Variants in ING4 observed in about 807,000 individuals in gnomAD.
ING4 encodes inhibitor of growth protein 4.
In ING4, 28 loss-of-function variants were observed where a neutral mutation model predicts 33.1. The ratio of observed to expected loss-of-function variants is 0.85; its 90% CI spans 0.63 to 1.16. The LOEUF (loss-of-function observed/expected upper bound fraction) is 1.16, where lower values mean the gene tolerates loss of function less well. Ranked by LOEUF, ING4 falls within the 50% of genes most tolerant of loss-of-function variation. ING4 has a pLI of 0.00. For missense variants in ING4, 247 were observed against 314.7 expected (o/e 0.78, Z 1.63); for synonymous variants, 87 against 104.4 (o/e 0.83, Z 1.02).
chr12:6,651,730 C>T (rs1372711327), intron 6 of ING4, among the ~76,000 whole-genome samples: 2 of 151,832 alleles, frequency 1.3e-5, no homozygotes, highest in East Asian at 1.9e-4. Flanking sequence ...TTAGTGGAGA[C>T]GGGGTTTCAC....
chr12:6,658,414 G>A (rs904618421), intron 1 of ING4, among the ~76,000 whole-genome samples: 4 of 152,070 alleles, frequency 2.6e-5, no homozygotes, highest in African/African-American at 9.7e-5. Flanking sequence ...GGCCAGGCAC[G>A]GTGGCTCATG....
At chr12:6,656,232 G>A (rs185205811) in intron 2 of ING4, among the ~76,000 whole-genome samples, 5 of 150,160 alleles carry the variant, frequency 3.3e-5, no homozygotes, top group Admixed American at 2.0e-4. Context: ...GCAGTGACAT[G>A]TGGCATGATT....
At position 6,653,019 on chromosome 12, in the gene ING4, T is replaced by A; in HGVS notation, c.308A>T (p.Asp103Val). The A allele has an allele frequency of 6.2e-7, 1 of 1,613,976 alleles. No homozygotes were observed. The highest frequency in any genetic ancestry group is 8.5e-7 in the Non-Finnish European group (1 of 1,180,004). ...VDKHIRRLDTDLARFEADLKE... is the reference protein window; with the variant it reads ...VDKHIRRLDTVLARFEADLKE... ...GAGATCAGCCTCAAAACGGGCCAGG[T>A]CTGTGTCCAGCCGCCGAATGTGTTT... The change falls in exon 4 of 8, where the codon GAC (aspartate) becomes GTC (valine). Residue 103 changes from aspartate to valine, a missense_variant. Physicochemically the swap from Asp to Val is radical, Grantham distance 152 (BLOSUM62 -3). Coordinates refer to ENST00000341550, the MANE Select transcript of ING4 (RefSeq NM_016162.4).
intron 2 of ING4, 143 bp from the exon 3 acceptor site, chr12:6,653,539 C>G: frequency 1.3e-6 from 1 of 789,872 alleles, no homozygotes; most frequent in African/African-American, 1.7e-5. Context: ...GGTACTGTGC[C>G]ATGCACTCAA....
intron 2 of ING4, among the ~76,000 whole-genome samples, chr12:6,654,437 G>C (rs1297005261): frequency 6.6e-6 from 1 of 150,798 alleles, no homozygotes; most frequent in Non-Finnish European, 1.5e-5. Flanking sequence ...GAGCTCAAAT[G>C]ATCTCCCATT....
intron 1 of ING4, chr12:6,657,929 CAA>C (rs755046894): frequency 8.0e-4 from 58 of 72,696 alleles, no homozygotes; most frequent in South Asian, 4.0e-3. Context: ...ACTCTGTCTC[CAA>C]AAAAAAAAAA....
intron 2 of ING4, chr12:6,655,809 G>A: frequency 2.2e-6 from 1 of 457,530 alleles, no homozygotes. Context: ...ATCCTTCAGT[G>A]GGTATGGGAA....
intron 1 of ING4, among the ~76,000 whole-genome samples, chr12:6,662,864 C>T (rs1394268288): frequency 1.3e-5 from 2 of 151,888 alleles, no homozygotes; most frequent in Non-Finnish European, 2.9e-5. Flanking sequence ...CACCGCACCC[C>T]TCCCTCGTCT....
At chr12:6,651,516 C>T in intron 6 of ING4, 131 bp from the exon 7 acceptor site, 1 of 710,298 alleles carries the variant, frequency 1.4e-6, no homozygotes, top group South Asian at 1.7e-5. Flanking sequence ...AGTCCCAAGG[C>T]CAACCAGTTC....
chr12:6,652,506 G>C (rs1040455867), intron 5 of ING4, 88 bp from the exon 6 acceptor site: 3 of 1,469,210 alleles, frequency 2.0e-6, no homozygotes, highest in Admixed American at 3.6e-5. Context: ...ATCCTGGTAG[G>C]GCAAATGATT....
At chr12:6,657,143 G>A (rs1258130800) in intron 1 of ING4, among the ~76,000 whole-genome samples, 1 of 149,670 alleles carries the variant, frequency 6.7e-6, no homozygotes, top group African/African-American at 2.5e-5. Flanking sequence ...AATAGAGCAA[G>A]TCCCTGTCTC....
Position 6,653,335 on chromosome 12 carries a change from G to A in ING4, c.171C>T (p.Ser57=). ...TEYMSSARSL[S]SEEKLALLKQ... The stretch of plus-strand genomic sequence containing the variant: ...TGAGAAGGGCCAATTTTTCCTCGGA[G>A]CTCAGGCTGCGGGCACTACTCATAT... The change falls in exon 3 of 8, where the codon AGC becomes AGT. Residue 57 remains serine (S), a synonymous_variant. Coordinates refer to ENST00000341550, the MANE Select transcript of ING4 (RefSeq NM_016162.4). The A allele has an allele frequency of 1.2e-6, 2 of 1,614,178 alleles. No individual in the cohort carries two copies. The highest frequency in any genetic ancestry group is 1.7e-6 in the Non-Finnish European group (2 of 1,180,044).
chr12:6,659,294 G>C (rs1238589591), intron 1 of ING4, among the ~76,000 whole-genome samples: 1 of 151,564 alleles, frequency 6.6e-6, no homozygotes, highest in African/African-American at 2.4e-5. Flanking sequence ...GGTGGCTCAT[G>C]CCTGTAATTC....
At chr12:6,663,041 C>T (rs1316747616) in intron 1 of ING4, 24 bp downstream of exon 1, 2 of 1,612,802 alleles carry the variant, frequency 1.2e-6, no homozygotes, top group Non-Finnish European at 8.5e-7. Context: ...GCAGCCCCGA[C>T]CCCCACCTCC....
chr12:6,655,633 C>G (rs553836718), intron 2 of ING4: 6 of 1,143,150 alleles, frequency 5.2e-6, no homozygotes, highest in Non-Finnish European at 6.5e-6. Flanking sequence ...CAATCTGGTT[C>G]TCACCATTCG....
chr12:6,651,186 G>A lies in ING4; in HGVS notation c.*9C>T. 6.2e-7 allele frequency: 1 copy of A among 1,614,134 alleles called. No individual in the cohort carries two copies. ...TGGAAGAAACTGTGTTGGAATCCAA[G>A]GCCCTTATCTATTTCTTCTTCCGTT... is the stretch of plus-strand genomic sequence containing the variant. On this transcript the variant is annotated 3_prime_UTR_variant, in exon 8 of 8. Coordinates refer to ENST00000341550, the MANE Select transcript of ING4 (RefSeq NM_016162.4).
chr12:6,653,262 T>A lies in ING4; in HGVS notation c.244A>T (p.Lys82Ter), dbSNP rs1279015364. The change falls in exon 3 of 8, where the codon AAG becomes TAG. Residue 82 changes from lysine (K) to a stop codon, truncating the protein, a stop_gained. Transcript: ENST00000341550. LOFTEE classifies it high-confidence loss of function. ...TAGGTCTGCATGGCAAGCTGCACCT[T>A]GTCGTCACCAAATTCCTTGCACTTG... ...YGKCKEFGDDKVQLAMQTYEM... is the reference protein window; with the variant it reads ...YGKCKEFGDD 1 of 1,614,046 alleles carries A rather than the reference T, an allele frequency of 6.2e-7. No individual in the cohort carries two copies. Among genetic ancestry groups the A allele is most frequent in the Non-Finnish European group, 8.5e-7 (1 of 1,180,040 alleles).
rs776945203 is a variant in ING4, at chr12:6,650,957, G to A, written c.*238C>T. 9 of 582,888 alleles carry A rather than the reference G, an allele frequency of 1.5e-5. No homozygotes were observed. Among genetic ancestry groups the A allele is most frequent in the East Asian group, 2.9e-5 (1 of 34,968 alleles). 36.1% of individuals were successfully genotyped at this position (582,888 alleles called of 1,614,324 possible). On this transcript the variant is annotated 3_prime_UTR_variant, in exon 8 of 8. Coordinates refer to ENST00000341550, the MANE Select transcript of ING4 (RefSeq NM_016162.4). ...GCAAAAGGACAGTGGGCAAGACCAC[G>A]TCCCTCCGAAGGGAGAGGGCTGAAG...
intron 1 of ING4, among the ~76,000 whole-genome samples, chr12:6,657,428 G>A (rs1009618553): frequency 6.6e-6 from 1 of 151,532 alleles, no homozygotes; most frequent in African/African-American, 2.4e-5. Context: ...CAGCCTGGGC[G>A]ACACAGTGAG....
Sources: allele counts gnomAD v4.1 joint callset (sites outside exome capture counted in the v4.1 genomes callset), GRCh38; gene constraint gnomAD v4.1.1; transcripts MANE v1.5; gene names NCBI Gene and HGNC (gene_info 2026-07-23, HGNC 2026-07-21).